DROSHA: variants seen among roughly 807,000 people sequenced by gnomAD.
DROSHA encodes the protein drosha ribonuclease III.
In DROSHA, 56 loss-of-function variants were observed where a neutral mutation model predicts 181.9. The observed-to-expected ratio is 0.31, with a 90% CI of 0.25 to 0.38. The LOEUF (loss-of-function observed/expected upper bound fraction) is 0.38. DROSHA is among the 10% of genes least tolerant of loss of function. The pLI is 1.00. For synonymous variants in DROSHA, 524 were observed against 591.2 expected (o/e 0.89, Z 1.65); for missense variants, 1,218 against 1,743.5 (o/e 0.70, Z 5.37).
At chr5:31,410,920 A>G in intron 30 of DROSHA, 33 bp from the exon 31 acceptor site, 1 of 1,612,366 alleles carries the variant, frequency 6.2e-7, no homozygotes, top group East Asian at 2.2e-5. Context: ...CATTGAGAAC[A>G]CATTTCACTT....
chr5:31,524,808 T>C (rs910730490), intron 5 of DROSHA, among the ~76,000 whole-genome samples: 1 of 152,142 alleles, frequency 6.6e-6, no homozygotes. Flanking sequence ...ATTTGATCTT[T>C]TGAAAAAAGA....
chr5:31,493,217 G>A lies in DROSHA; in HGVS notation c.1832C>T (p.Pro611Leu), dbSNP rs1283563273. 6.2e-7 allele frequency: 1 copy of A among 1,606,568 alleles called. No individual in the cohort carries two copies. Among genetic ancestry groups the A allele is most frequent in the Non-Finnish European group, 8.5e-7 (1 of 1,176,866 alleles). Reference protein sequence around the residue: ...FEGFSMFAHAPLTNIPLCKVI... With the variant: ...FEGFSMFAHALLTNIPLCKVI... ...CTGGCACATACTTACATTGGTCAGG[G>A]GGGCATGTGCAAACATAGAAAATCC... is the stretch of plus-strand genomic sequence containing the variant. The change falls in exon 13 of 36, where the codon CCC becomes CTC. Residue 611 changes from proline (P) to leucine (L), a missense_variant. Coordinates refer to ENST00000344624, the MANE Select transcript of DROSHA (RefSeq NM_001382508.1).
chr5:31,531,767 T>C (rs1045782450), intron 1 of DROSHA, among the ~76,000 whole-genome samples: 1 of 152,036 alleles, frequency 6.6e-6, no homozygotes. Flanking sequence ...GCCTGGACCA[T>C]AGTGTGTGCT....
chr5:31,448,616 A>G lies in DROSHA; in HGVS notation c.2822-9T>C. On this transcript the variant is annotated splice_polypyrimidine_tract_variant and intron_variant, in intron 22 of 35. Coordinates refer to ENST00000344624, the MANE Select transcript of DROSHA (RefSeq NM_001382508.1). Reference sequence around the variant, plus strand: ...TATCAAGGTGTTAATCCCTATTTAAAATAAAAAACAAATACACAAGTAAAT... The same window carrying G: ...TATCAAGGTGTTAATCCCTATTTAAGATAAAAAACAAATACACAAGTAAAT... The G allele has an allele frequency of 6.2e-7, 1 of 1,609,226 alleles. No homozygotes were observed. Among genetic ancestry groups the G allele is most frequent in the Non-Finnish European group, 8.5e-7 (1 of 1,176,218 alleles).
At position 31,490,502 on chromosome 5, in the gene DROSHA, T is replaced by C. The variant is rs192353368; in HGVS notation, c.1842+2705A>G. On this transcript the variant is annotated intron_variant, in intron 13 of 35. Transcript: ENST00000344624. ...ACATATCTTTAAAACTTCAGATAAGTTGTCAGAGCTCTTAACATCAGGTAT... is the reference window on the plus strand; with the variant it reads ...ACATATCTTTAAAACTTCAGATAAGCTGTCAGAGCTCTTAACATCAGGTAT... Among the ~76,000 whole-genome samples the C allele has an allele frequency of 7.8e-4, 119 of 152,264 alleles. 4 individuals carry two copies. In the East Asian group the frequency reaches 0.019, roughly 24 times the overall value.
rs567282622 is a variant in DROSHA at position 31,482,870 on chromosome 5, T to C, written c.2071+684A>G. ...GGCCTTGCCATGTTGCTCAAGCTGGTCTCAAACCCTCACTGGGCTCAAGCG... is the reference window on the plus strand; with the variant it reads ...GGCCTTGCCATGTTGCTCAAGCTGGCCTCAAACCCTCACTGGGCTCAAGCG... On this transcript the variant is annotated intron_variant, in intron 16 of 35. Coordinates refer to ENST00000344624, the MANE Select transcript of DROSHA (RefSeq NM_001382508.1). Among the ~76,000 whole-genome samples, 4 of 152,040 alleles carry C rather than the reference T, an allele frequency of 2.6e-5. No homozygotes were observed. The South Asian group carries it at 8.3e-4, about 32-fold the overall frequency.
rs982553260 is a variant in DROSHA at position 31,514,042 on chromosome 5, G to A, written c.1290+946C>T. Among the ~76,000 whole-genome samples the A allele has an allele frequency of 3.3e-5, 5 of 152,132 alleles. No individual in the cohort carries two copies. Among genetic ancestry groups the A allele is most frequent in the South Asian group, 2.1e-4 (1 of 4,826 alleles). On this transcript the variant is annotated intron_variant, in intron 8 of 35. Transcript: ENST00000344624. This position sits in a 1 kb window ranked among gnomAD's most constrained non-coding sequence, Gnocchi z 4.4. ...GCACGCCGGCTGTAGCACCACAGGC[G>A]CCCCGGCCCTGGCAGCATGTGCTCT... is the stretch of plus-strand genomic sequence containing the variant.
At chr5:31,469,225 C>T (rs57803558) in intron 17 of DROSHA, among the ~76,000 whole-genome samples, 13,091 of 152,078 alleles carry the variant, frequency 0.086, 986 homozygotes, top group East Asian at 0.22. Context: ...GGCGTGGTGG[C>T]GCACACCTGT....
At position 31,466,241 on chromosome 5, in the gene DROSHA, G is replaced by A; in HGVS notation, c.2407C>T (p.Leu803Phe). The change falls in exon 19 of 36, where the codon CTC (leucine) becomes TTC (phenylalanine). Residue 803 changes from leucine to phenylalanine, a missense_variant. By Grantham distance (22) the Leu-to-Phe change is conservative. Around this residue, in one of 8 missense-constraint regions of DROSHA, gnomAD observed 460 missense variants for 774.2 expected, o/e 0.59. Coordinates refer to ENST00000344624, the MANE Select transcript of DROSHA (RefSeq NM_001382508.1). ...LWKSYVKLRH[L>F]LANSPKVKQT... is the part of the protein sequence containing the mutation. ...TTGACTTTGGGACTATTTGCTAGGAGGTGGCGAAGTTTCACATAACTCTTC... is the reference window on the plus strand; with the variant it reads ...TTGACTTTGGGACTATTTGCTAGGAAGTGGCGAAGTTTCACATAACTCTTC... 6.2e-7 allele frequency: 1 copy of A among 1,613,620 alleles called. No homozygotes were observed. The highest frequency in any genetic ancestry group is 8.5e-7 in the Non-Finnish European group (1 of 1,179,728).
At chr5:31,528,495 C>T (rs1253064205) in intron 4 of DROSHA, among the ~76,000 whole-genome samples, 1 of 152,150 alleles carries the variant, frequency 6.6e-6, no homozygotes, top group Non-Finnish European at 1.5e-5. Flanking sequence ...CACCCCCCAT[C>T]CTTAGCTAAA....
At chr5:31,454,092 GT>G (rs1747357862) in intron 20 of DROSHA, among the ~76,000 whole-genome samples, 1 of 152,190 alleles carries the variant, frequency 6.6e-6, no homozygotes, top group Non-Finnish European at 1.5e-5. Flanking sequence ...CTCAGCATCT[GT>G]GTGAGAGAAG....
chr5:31,415,037 C>T (rs751638920), intron 30 of DROSHA, among the ~76,000 whole-genome samples: 3 of 152,146 alleles, frequency 2.0e-5, no homozygotes, highest in African/African-American at 7.2e-5. Context: ...ATTGAGAATC[C>T]AGGATGTTTT....
At chr5:31,508,435 G>A (rs559294120) in intron 10 of DROSHA, among the ~76,000 whole-genome samples, 186 bp downstream of exon 10, 1 of 152,240 alleles carries the variant, frequency 6.6e-6, no homozygotes, top group South Asian at 2.1e-4. Flanking sequence ...AATGATTCAA[G>A]GGACAGCTGC....
chr5:31,467,861 C>G, intron 18 of DROSHA, 78 bp downstream of exon 18: 1 of 1,532,710 alleles, frequency 6.5e-7, no homozygotes, highest in African/African-American at 1.4e-5. Flanking sequence ...GAAACATCCA[C>G]TAAAGGGTAT....
At position 31,409,616 on chromosome 5, in the gene DROSHA, G is replaced by A; in HGVS notation, c.3668-284C>T. The A allele has an allele frequency of 2.9e-6, 1 of 349,438 alleles. No individual in the cohort carries two copies. The highest frequency in any genetic ancestry group is 5.3e-6 in the Non-Finnish European group (1 of 188,476). 21.6% of individuals were successfully genotyped at this position (349,438 alleles called of 1,614,324 possible). A position where few individuals can be genotyped will look rare whatever the true frequency, so the allele number is the denominator to read the frequency against. ...ACACAGAATGCCGCTGTATATCAGG[G>A]AAAAAATGCTGAGCACCCAACCCTG... On this transcript the variant is annotated intron_variant, in intron 31 of 35. Coordinates refer to ENST00000344624, the MANE Select transcript of DROSHA (RefSeq NM_001382508.1). The surrounding 1 kb of genome is among the most constrained non-coding windows in gnomAD (Gnocchi z 4.0).
intron 17 of DROSHA, 103 bp from the exon 18 acceptor site, chr5:31,468,166 C>T (rs1040939233): frequency 7.3e-7 from 1 of 1,372,306 alleles, no homozygotes; most frequent in Non-Finnish European, 9.8e-7. Context: ...CCAGGAAAGC[C>T]TTGTCCCCAA....
intron 29 of DROSHA, 148 bp from the exon 30 acceptor site, chr5:31,421,525 C>T (rs189918071): frequency 2.4e-4 from 151 of 641,042 alleles, no homozygotes; most frequent in Admixed American, 2.2e-4. Flanking sequence ...TCCCTAAGGC[C>T]CCTCGATTGA....
intron 23 of DROSHA, among the ~76,000 whole-genome samples, chr5:31,438,167 G>A (rs994913045): frequency 1.3e-5 from 2 of 152,182 alleles, no homozygotes; most frequent in African/African-American, 2.4e-5. Context: ...CTGTGTCTCA[G>A]TGAAGCCAAT....
intron 16 of DROSHA, among the ~76,000 whole-genome samples, chr5:31,483,345 C>A (rs1751263247): frequency 1.3e-5 from 2 of 152,136 alleles, no homozygotes; most frequent in Admixed American, 6.5e-5. Context: ...TAAATCTGTT[C>A]TTCCATTGTT....
Sources: allele counts gnomAD v4.1 joint callset (sites outside exome capture counted in the v4.1 genomes callset), GRCh38; gene constraint gnomAD v4.1.1; regional missense constraint gnomAD v4.1.1; non-coding constraint Gnocchi (gnomAD v3.1); transcripts MANE v1.5; gene names NCBI Gene and HGNC (gene_info 2026-07-23, HGNC 2026-07-21).